L2HGDH: variants seen among roughly 807,000 people sequenced by gnomAD.
L2HGDH encodes L-2-hydroxyglutarate dehydrogenase, also known as L-2-hydroxyglutarate dehydrogenase, mitochondrial.
Under a neutral mutation model 51.5 loss-of-function variants are expected in L2HGDH, and 34 were observed. That is an observed-to-expected ratio of 0.66 (90% CI 0.50 to 0.88). The LOEUF is 0.88. Ranked by LOEUF, L2HGDH falls within the 40% of genes least tolerant of loss-of-function variation. The pLI is 0.00. For synonymous variants in L2HGDH, 198 were observed against 197.9 expected (o/e 1.00, Z -0.01); for missense variants, 558 against 571.9 (o/e 0.98, Z 0.25).
intron 9 of L2HGDH, among the ~76,000 whole-genome samples, chr14:50,259,549 C>A (rs183594424): frequency 1.3e-5 from 2 of 151,710 alleles, no homozygotes; most frequent in East Asian, 3.9e-4. Context: ...TAAAAATTAT[C>A]CAGGTGCAGT....
chr14:50,282,858 T>G (rs927363010), intron 5 of L2HGDH, among the ~76,000 whole-genome samples: 1 of 151,838 alleles, frequency 6.6e-6, no homozygotes, highest in East Asian at 1.9e-4. Context: ...ATAAGGAACA[T>G]GGTGGAACCC....
intron 4 of L2HGDH, among the ~76,000 whole-genome samples, chr14:50,291,024 C>T (rs1404325081): frequency 1.3e-5 from 2 of 151,314 alleles, no homozygotes; most frequent in Admixed American, 6.6e-5. Flanking sequence ...ATGGTGAAAC[C>T]CTGTTTCTAC....
At chr14:50,281,777 C>T (rs1282351021) in intron 5 of L2HGDH, among the ~76,000 whole-genome samples, 1 of 152,088 alleles carries the variant, frequency 6.6e-6, no homozygotes, top group African/African-American at 2.4e-5. Flanking sequence ...GGTTCTTAAC[C>T]AGGAGTGATT....
At chr14:50,269,055 G>T in intron 7 of L2HGDH, 108 bp downstream of exon 7, 22 of 823,130 alleles carry the variant, frequency 2.7e-5, no homozygotes, top group Non-Finnish European at 4.3e-5. Flanking sequence ...TACAAAAACG[G>T]TCCTTCAAAA....
chr14:50,259,365 G>GT (rs1888867823), intron 9 of L2HGDH, among the ~76,000 whole-genome samples: 2 of 52,128 alleles, frequency 3.8e-5, no homozygotes, highest in Non-Finnish European at 3.8e-5. Flanking sequence ...TTTCTTTTTC[G>GT]GTTTTTTTTT....
chr14:50,308,147 T>C (rs1450290330), intron 1 of L2HGDH, among the ~76,000 whole-genome samples: 2 of 152,194 alleles, frequency 1.3e-5, no homozygotes, highest in Non-Finnish European at 2.9e-5. Context: ...TCCCAGCACT[T>C]TGGGAGGCCA....
chr14:50,242,681 C>A lies in L2HGDH; in HGVS notation c.*4377G>T. 1 of 985,438 alleles carries A rather than the reference C, an allele frequency of 1.0e-6. No individual in the cohort carries two copies. Among genetic ancestry groups the A allele is most frequent in the Non-Finnish European group, 1.2e-6 (1 of 829,944 alleles). 61.0% of individuals were successfully genotyped at this position (985,438 alleles called of 1,614,324 possible). On this transcript the variant is annotated 3_prime_UTR_variant, in exon 10 of 10. Transcript: ENST00000267436. Reference sequence around the variant, plus strand: ...AGCTTTTGCTTTCCCAACCATTTCACCCTGTCCTTCTACCTTAAGCCCTGA... The same window carrying A: ...AGCTTTTGCTTTCCCAACCATTTCAACCTGTCCTTCTACCTTAAGCCCTGA...
chr14:50,306,349 G>C (rs754080838), intron 1 of L2HGDH, among the ~76,000 whole-genome samples: 1 of 151,920 alleles, frequency 6.6e-6, no homozygotes, highest in Non-Finnish European at 1.5e-5. Flanking sequence ...GTGCCCAGCT[G>C]TATTTTTTTA....
At chr14:50,270,338 C>G (rs1889599429) in intron 6 of L2HGDH, among the ~76,000 whole-genome samples, 1 of 152,182 alleles carries the variant, frequency 6.6e-6, no homozygotes, top group Non-Finnish European at 1.5e-5. Context: ...CCCGCATTCA[C>G]CACCACACTT....
intron 9 of L2HGDH, among the ~76,000 whole-genome samples, chr14:50,254,967 G>A (rs1256822950): frequency 6.6e-6 from 1 of 151,984 alleles, no homozygotes; most frequent in Non-Finnish European, 1.5e-5. Context: ...GATCCCTTGA[G>A]CTAATGGCGG....
chr14:50,253,487 C>T (rs7151353), intron 9 of L2HGDH, among the ~76,000 whole-genome samples: 137,542 of 152,178 alleles, frequency 0.9, 62,395 homozygotes, highest in African/African-American at 0.97. Flanking sequence ...CCAGGAGATA[C>T]CATCTCACCT....
chr14:50,311,296 T>C, intron 1 of L2HGDH: 1 of 455,000 alleles, frequency 2.2e-6, no homozygotes, highest in Admixed American at 2.4e-5. Context: ...AAAACCTTGC[T>C]GTGATGTAGT....
rs182954897 is a variant in L2HGDH, at chr14:50,245,602, T to C, written c.*1456A>G. 31 of 971,210 alleles carry C rather than the reference T, an allele frequency of 3.2e-5. No homozygotes were observed. The highest frequency in any genetic ancestry group is 1.9e-4 in the African/African-American group (11 of 57,048). The allele number at this position is 971,210 out of a possible 1,614,324, so 60.2% of individuals were successfully genotyped here. The stretch of plus-strand genomic sequence containing the variant: ...AATTTTTAATTTCCAAATACAAATA[T>C]TGTTGCTCTAAATAATGTGAGTTTT... On this transcript the variant is annotated 3_prime_UTR_variant, in exon 10 of 10. Coordinates refer to ENST00000267436, the MANE Select transcript of L2HGDH (RefSeq NM_024884.3).
At chr14:50,250,212 C>T (rs1888265792) in intron 9 of L2HGDH, among the ~76,000 whole-genome samples, 1 of 152,178 alleles carries the variant, frequency 6.6e-6, no homozygotes, top group Non-Finnish European at 1.5e-5. Context: ...CAGGCCAACA[C>T]TCTTGGACGG....
chr14:50,288,695 T>G (rs575758835), intron 4 of L2HGDH, among the ~76,000 whole-genome samples: 6 of 152,324 alleles, frequency 3.9e-5, no homozygotes, highest in African/African-American at 1.4e-4. Flanking sequence ...CCTCCCAAAG[T>G]GCTGGGATTA....
At chr14:50,251,153 G>C (rs1888325998) in intron 9 of L2HGDH, among the ~76,000 whole-genome samples, 1 of 151,412 alleles carries the variant, frequency 6.6e-6, no homozygotes, top group Non-Finnish European at 1.5e-5. Flanking sequence ...AATTCTTTCA[G>C]ATAAATTTAA....
At position 50,247,176 on chromosome 14, in the gene L2HGDH, A is replaced by G. The variant is rs760518737; in HGVS notation, c.1274T>C (p.Val425Ala). 1 of 1,613,950 alleles carries G rather than the reference A, an allele frequency of 6.2e-7. No homozygotes were observed. The highest frequency in any genetic ancestry group is 8.5e-7 in the Non-Finnish European group (1 of 1,179,988). The part of the protein sequence containing the change: ...LVEDFVFDAG[V>A]GDIGNRILHV... Reference sequence around the variant, plus strand: ...AAGAATGCGATTTCCAATATCCCCAACTCCTGCATCAAATACAAAATCTTC... The same window carrying G: ...AAGAATGCGATTTCCAATATCCCCAGCTCCTGCATCAAATACAAAATCTTC... Residue 425 changes from valine to alanine, a missense_variant, in exon 10 of 10, where the codon GTT (valine) becomes GCT (alanine). This residue lies in a region of L2HGDH where 321 missense variants were observed against 311.8 expected (regional missense o/e 1.03). Coordinates refer to ENST00000267436, the MANE Select transcript of L2HGDH (RefSeq NM_024884.3).
At chr14:50,305,669 G>T (rs1291839525) in intron 1 of L2HGDH, among the ~76,000 whole-genome samples, 1 of 152,080 alleles carries the variant, frequency 6.6e-6, no homozygotes, top group Non-Finnish European at 1.5e-5. Context: ...TTCCACTAAG[G>T]TAGGTGTTCA....
chr14:50,264,954 T>C (rs1216011975), intron 9 of L2HGDH, among the ~76,000 whole-genome samples: 1 of 152,192 alleles, frequency 6.6e-6, no homozygotes, highest in African/African-American at 2.4e-5. Context: ...AACATAGTGA[T>C]CAATAATCTT....
Sources: allele counts gnomAD v4.1 joint callset (sites outside exome capture counted in the v4.1 genomes callset), GRCh38; gene constraint gnomAD v4.1.1; regional missense constraint gnomAD v4.1.1; transcripts MANE v1.5; gene names NCBI Gene and HGNC (gene_info 2026-07-23, HGNC 2026-07-21).